Variants in PXDNL observed in about 807,000 individuals in gnomAD.
The protein encoded by PXDNL is peroxidasin like.
PXDNL carries 145 observed loss-of-function variants against 150.8 expected under a neutral mutation model. That is an observed-to-expected ratio of 0.96 (90% CI 0.84 to 1.10). PXDNL has a LOEUF of 1.10. Ranked by LOEUF, PXDNL falls within the 50% of genes least tolerant of loss-of-function variation. PXDNL has a pLI of 0.00. For missense variants in PXDNL, 2,087 were observed against 1,873.9 expected (o/e 1.11, Z -2.10); for synonymous variants, 757 against 725.7 (o/e 1.04, Z -0.69).
chr8:51,329,920 C>G (rs954341548), intron 21 of PXDNL, among the ~76,000 whole-genome samples: 4 of 152,152 alleles, frequency 2.6e-5, no homozygotes, highest in Non-Finnish European at 5.9e-5. Flanking sequence ...AGGAATGTCA[C>G]TGGTACAGTT....
intron 1 of PXDNL, among the ~76,000 whole-genome samples, chr8:51,790,236 C>T (rs907537815): frequency 4.7e-5 from 7 of 149,700 alleles, no homozygotes; most frequent in African/African-American, 1.7e-4. Flanking sequence ...ACCTCCATTT[C>T]GAAAGAGAAT....
chr8:51,322,747 T>C (rs568817210), intron 21 of PXDNL, among the ~76,000 whole-genome samples: 2 of 152,230 alleles, frequency 1.3e-5, no homozygotes, highest in South Asian at 4.1e-4. Context: ...AAAGTCTTGA[T>C]GTGAAAGAAT....
chr8:51,534,242 G>A (rs866322400), intron 4 of PXDNL, among the ~76,000 whole-genome samples: 6 of 137,622 alleles, frequency 4.4e-5, no homozygotes, highest in Non-Finnish European at 7.5e-5. Context: ...GAAACCCTCC[G>A]CCTGGCAACC....
At chr8:51,732,817 T>G (rs1291067730) in intron 1 of PXDNL, among the ~76,000 whole-genome samples, 1 of 151,196 alleles carries the variant, frequency 6.6e-6, no homozygotes, top group African/African-American at 2.4e-5. Context: ...TCCACTACCA[T>G]GAGAACAGCT....
intron 15 of PXDNL, among the ~76,000 whole-genome samples, chr8:51,411,750 A>G (rs1808658811): frequency 6.6e-6 from 1 of 152,144 alleles, no homozygotes; most frequent in East Asian, 1.9e-4. Flanking sequence ...CTGAAGTACT[A>G]TGCAATACTC....
chr8:51,767,935 A>G (rs1186416424), intron 1 of PXDNL, among the ~76,000 whole-genome samples: 2 of 152,214 alleles, frequency 1.3e-5, no homozygotes, highest in Non-Finnish European at 2.9e-5. Flanking sequence ...AATTTTCCAA[A>G]AAGTTTCCAG....
chr8:51,437,149 G>C (rs1247375878), intron 12 of PXDNL, among the ~76,000 whole-genome samples: 1 of 152,076 alleles, frequency 6.6e-6, no homozygotes, highest in African/African-American at 2.4e-5. Context: ...ATTAAACCAG[G>C]AAGAAATAGA....
At chr8:51,645,766 G>C (rs1346414407) in intron 2 of PXDNL, among the ~76,000 whole-genome samples, 1 of 152,168 alleles carries the variant, frequency 6.6e-6, no homozygotes, top group African/African-American at 2.4e-5. Context: ...TCAAAAGTTT[G>C]ATTTTATAAA....
intron 4 of PXDNL, among the ~76,000 whole-genome samples, chr8:51,508,568 T>C (rs945395097): frequency 6.6e-6 from 1 of 152,190 alleles, no homozygotes; most frequent in African/African-American, 2.4e-5. Flanking sequence ...CACTACTTCC[T>C]TCTCTTTCCC....
chr8:51,513,754 G>A (rs989380816), intron 4 of PXDNL, among the ~76,000 whole-genome samples: 7 of 152,118 alleles, frequency 4.6e-5, no homozygotes, highest in African/African-American at 1.2e-4. Context: ...TGCATCTACT[G>A]TAAAAAGTTA....
rs115947796 is a variant in PXDNL, at chr8:51,345,990, G to A, written c.3902-43C>T. 1.2e-3 allele frequency: 1,408 copies of A among 1,171,494 alleles called. 11 individuals carry two copies. In the African/African-American group the frequency reaches 0.019, roughly 16 times the overall value. The allele number at this position is 1,171,494 out of a possible 1,614,324, so 72.6% of individuals were successfully genotyped here. ...ACCACAATAGCATCATGTGAGATGC[G>A]ATGTCATGATCTCATCTAGATCATT... On this transcript the variant is annotated intron_variant, in intron 19 of 22. Coordinates refer to ENST00000356297, the MANE Select transcript of PXDNL (RefSeq NM_144651.5).
intron 2 of PXDNL, among the ~76,000 whole-genome samples, chr8:51,642,669 A>G (rs148364734): frequency 2.7e-4 from 41 of 152,340 alleles, no homozygotes; most frequent in African/African-American, 7.9e-4. Context: ...CCTATTCAAC[A>G]TAGCGTTGGA....
intron 1 of PXDNL, among the ~76,000 whole-genome samples, chr8:51,748,602 G>A (rs921733631): frequency 1.3e-5 from 2 of 152,162 alleles, no homozygotes; most frequent in Non-Finnish European, 2.9e-5. Context: ...AGTTTGTTTG[G>A]GCATGGGGGT....
intron 12 of PXDNL, among the ~76,000 whole-genome samples, chr8:51,435,089 C>T (rs566230792): frequency 5.4e-4 from 82 of 152,174 alleles, no homozygotes; most frequent in Admixed American, 2.6e-3. Flanking sequence ...GAGGCCGAGG[C>T]GGGCAGATCA....
intron 1 of PXDNL, among the ~76,000 whole-genome samples, chr8:51,799,770 AC>A (rs2037599909): frequency 6.6e-6 from 1 of 152,134 alleles, no homozygotes; most frequent in Non-Finnish European, 1.5e-5. Context: ...TGAAGAACAA[AC>A]CATTTTACTG....
intron 1 of PXDNL, among the ~76,000 whole-genome samples, chr8:51,736,159 T>A (rs1817034165): frequency 6.6e-6 from 1 of 152,196 alleles, no homozygotes; most frequent in Non-Finnish European, 1.5e-5. Context: ...ATATTTATCA[T>A]TCGCAAGAAA....
intron 1 of PXDNL, among the ~76,000 whole-genome samples, chr8:51,798,184 C>A (rs956683005): frequency 2.0e-5 from 3 of 152,198 alleles, no homozygotes; most frequent in South Asian, 2.1e-4. Flanking sequence ...AAAATTAACT[C>A]AAGATGGATT....
chr8:51,438,445 G>A (rs1322100361), intron 12 of PXDNL, among the ~76,000 whole-genome samples: 1 of 152,134 alleles, frequency 6.6e-6, no homozygotes, highest in Non-Finnish European at 1.5e-5. Context: ...AATAAAGCAT[G>A]GAACTGTTAT....
intron 8 of PXDNL, among the ~76,000 whole-genome samples, chr8:51,469,411 G>A (rs534502059): frequency 2.3e-4 from 35 of 151,888 alleles, no homozygotes; most frequent in African/African-American, 4.6e-4. Context: ...CAAATGTTGC[G>A]TTTAGCTCAT....
Sources: gnomAD v4.1 joint callset for allele counts (sites outside exome capture counted in the v4.1 genomes callset) on GRCh38, gnomAD v4.1.1 for gene constraint, MANE v1.5 for transcripts, NCBI Gene and HGNC (gene_info 2026-07-23, HGNC 2026-07-21) for gene names.